CDK14: variants seen among roughly 807,000 people sequenced by gnomAD.
CDK14 encodes the protein cyclin-dependent kinase 14.
A neutral mutation model predicts 60.7 loss-of-function variants in CDK14; 34 were observed. The observed-to-expected ratio is 0.56, with a 90% confidence interval of 0.43 to 0.75. The LOEUF is 0.75. Ranked by LOEUF, CDK14 falls within the 30% of genes least tolerant of loss-of-function variation. The pLI, the probability that CDK14 is intolerant of heterozygous loss-of-function variation, is 0.00. For missense variants in CDK14, 482 were observed against 564.1 expected, an observed-to-expected ratio of 0.85 and a Z score of 1.47; for synonymous variants, 197 against 203.7, an observed-to-expected ratio of 0.97 and a Z score of 0.28.
At chr7:90,669,699 A>C (rs191825300) in intron 2 of CDK14, among the ~76,000 whole-genome samples, 196 of 152,358 alleles carry the variant, frequency 1.3e-3, no homozygotes, top group Non-Finnish European at 1.9e-3. Flanking sequence ...ATGAGCCTGT[A>C]CATTCCTTTT....
intron 14 of CDK14, among the ~76,000 whole-genome samples, chr7:91,163,948 T>C (rs1010249276): frequency 5.9e-5 from 9 of 152,188 alleles, no homozygotes; most frequent in Non-Finnish European, 1.3e-4. Flanking sequence ...AGGCATGGGC[T>C]CAAGTTTTGC....
At chr7:90,814,024 ATTTCTC>A (rs765574440) in intron 5 of CDK14, among the ~76,000 whole-genome samples, 11 of 152,272 alleles carry the variant, frequency 7.2e-5, no homozygotes, top group Admixed American at 2.6e-4. Context: ...ATCTTTATCT[ATTTCTC>A]TTTCTTCCAA....
intron 14 of CDK14, among the ~76,000 whole-genome samples, chr7:91,140,161 T>C (rs1800411926): frequency 6.6e-6 from 1 of 152,180 alleles, no homozygotes; most frequent in African/African-American, 2.4e-5. Context: ...TCAAATAAGG[T>C]CCTTTTAAAA....
At chr7:91,161,970 C>T (rs1048175850) in intron 14 of CDK14, among the ~76,000 whole-genome samples, 6 of 152,156 alleles carry the variant, frequency 3.9e-5, no homozygotes, top group Non-Finnish European at 5.9e-5. Context: ...AAAACCTACA[C>T]GGAAGTCGAG....
At chr7:91,138,849 G>T (rs1478456371) in intron 14 of CDK14, among the ~76,000 whole-genome samples, 1 of 151,994 alleles carries the variant, frequency 6.6e-6, no homozygotes, top group Non-Finnish European at 1.5e-5. Context: ...CTGGGCCCTG[G>T]GCGTAAATTG....
At chr7:90,904,239 C>G (rs888607478) in intron 7 of CDK14, among the ~76,000 whole-genome samples, 1 of 152,112 alleles carries the variant, frequency 6.6e-6, no homozygotes, top group Non-Finnish European at 1.5e-5. Context: ...AGGATCTGAT[C>G]ATTCCAAGAC....
intron 2 of CDK14, among the ~76,000 whole-genome samples, chr7:90,711,275 C>G (rs1802049857): frequency 6.6e-6 from 1 of 152,008 alleles, no homozygotes; most frequent in African/African-American, 2.4e-5. Flanking sequence ...TGTATTCACT[C>G]AACTATTTAC....
intron 2 of CDK14, among the ~76,000 whole-genome samples, chr7:90,657,048 A>T (rs1278162333): frequency 6.6e-6 from 1 of 152,104 alleles, no homozygotes; most frequent in Non-Finnish European, 1.5e-5. Flanking sequence ...TCTAAAAAAT[A>T]TAATTTATAG....
intron 14 of CDK14, among the ~76,000 whole-genome samples, chr7:91,195,602 C>A (rs1802510508): frequency 6.6e-6 from 1 of 152,142 alleles, no homozygotes; most frequent in Non-Finnish European, 1.5e-5. Flanking sequence ...TAAAACATTT[C>A]AATACTAAAT....
intron 2 of CDK14, among the ~76,000 whole-genome samples, chr7:90,649,341 CTTCCTTCCTTCCTTCCTTCCTTCCT>C (rs1563029894): frequency 1.2e-3 from 57 of 46,586 alleles, no homozygotes; most frequent in African/African-American, 4.5e-3. Context: ...TCCTTCCTTC[CTTCCTTCCTTCCTTCCTTCCTTCCT>C]TTCCTTCCTT....
chr7:90,715,718 A>G (rs1321302780), intron 2 of CDK14, among the ~76,000 whole-genome samples: 1 of 148,888 alleles, frequency 6.7e-6, no homozygotes, highest in Non-Finnish European at 1.5e-5. Flanking sequence ...TGATGAAGAA[A>G]CTAATTAGCC....
intron 2 of CDK14, among the ~76,000 whole-genome samples, chr7:90,640,865 A>G (rs940593337): frequency 6.6e-6 from 1 of 152,154 alleles, no homozygotes; most frequent in Non-Finnish European, 1.5e-5. Flanking sequence ...AGGGACTGGT[A>G]TCCCAGAATA....
At chr7:91,065,471 T>C (rs1045264711) in intron 11 of CDK14, among the ~76,000 whole-genome samples, 1 of 152,184 alleles carries the variant, frequency 6.6e-6, no homozygotes, top group South Asian at 2.1e-4. Context: ...TCCTAAAATT[T>C]TGGGAAAAGT....
intron 9 of CDK14, among the ~76,000 whole-genome samples, chr7:90,967,203 A>G (rs865943711): frequency 1.0e-4 from 14 of 137,338 alleles, no homozygotes; most frequent in African/African-American, 3.8e-4. Context: ...AGGAAGGAAG[A>G]AAGGAAGGAA....
chr7:91,060,072 A>T (rs1797729770), intron 11 of CDK14, among the ~76,000 whole-genome samples: 1 of 152,162 alleles, frequency 6.6e-6, no homozygotes, highest in African/African-American at 2.4e-5. Context: ...GACTTGCTTT[A>T]TGAATCTGGG....
intron 8 of CDK14, among the ~76,000 whole-genome samples, chr7:90,939,075 A>AG (rs1474816904): frequency 4.6e-5 from 7 of 152,358 alleles, no homozygotes; most frequent in Middle Eastern, 3.4e-3. Context: ...TGAGGGAAAC[A>AG]GGAATATCAA....
Position 90,699,580 on chromosome 7 carries a change from C to G in CDK14, c.124-26987C>G, listed in dbSNP as rs527517719. ...CTGACTTTATGTTGAAGTTAGTGCC[C>G]CAGTGCACCTGTTTATATGGCTTCA... On this transcript the variant is annotated intron_variant, in intron 2 of 14. Coordinates refer to ENST00000380050, the MANE Select transcript of CDK14 (RefSeq NM_001287135.2). Among the ~76,000 whole-genome samples the G allele has an allele frequency of 3.0e-3, 459 of 152,198 alleles. 2 individuals are homozygous for G. Among genetic ancestry groups the G allele is most frequent in the African/African-American group, 0.011 (440 of 41,526 alleles).
At chr7:91,045,582 A>G (rs908391937) in intron 10 of CDK14, among the ~76,000 whole-genome samples, 1 of 152,176 alleles carries the variant, frequency 6.6e-6, no homozygotes, top group African/African-American at 2.4e-5. Context: ...GACACATACA[A>G]ACTTCATTCA....
chr7:90,658,524 C>T (rs933640591), intron 2 of CDK14, among the ~76,000 whole-genome samples: 3 of 152,146 alleles, frequency 2.0e-5, no homozygotes, highest in Non-Finnish European at 4.4e-5. Context: ...GATTTTGGAG[C>T]GAGGAGCATA....
Sources: gnomAD v4.1 joint callset for allele counts (sites outside exome capture counted in the v4.1 genomes callset) on GRCh38, gnomAD v4.1.1 for gene constraint, MANE v1.5 for transcripts, NCBI Gene and HGNC (gene_info 2026-07-23, HGNC 2026-07-21) for gene names.